Variants in MAGI3 observed in about 807,000 individuals in gnomAD.
MAGI3 encodes membrane associated guanylate kinase, WW and PDZ domain containing 3, also known as membrane-associated guanylate kinase, WW and PDZ domain-containing protein 3.
Under a neutral mutation model 121.8 loss-of-function variants are expected in MAGI3, and 43 were observed. That is an observed-to-expected ratio of 0.35 (90% CI 0.28 to 0.46). The LOEUF (loss-of-function observed/expected upper bound fraction) is 0.46. Ranked by LOEUF, MAGI3 falls within the 20% of genes least tolerant of loss-of-function variation. The probability of loss-of-function intolerance (pLI) is 1.00; values close to 1 mark genes in which losing one functional copy is unlikely to be tolerated. For missense variants in MAGI3, 1,547 were observed against 1,797.3 expected (o/e 0.86, Z 2.52); for synonymous variants, 553 against 639.3 (o/e 0.86, Z 2.04).
intron 1 of MAGI3, among the ~76,000 whole-genome samples, chr1:113,403,304 G>T (rs1186039464): frequency 1.3e-5 from 2 of 152,050 alleles, no homozygotes; most frequent in East Asian, 3.9e-4. Flanking sequence ...TGTTAACATT[G>T]TAACTGCTGG....
intron 2 of MAGI3, among the ~76,000 whole-genome samples, chr1:113,575,149 G>A (rs1647545074): frequency 6.6e-6 from 1 of 152,096 alleles, no homozygotes; most frequent in Admixed American, 6.6e-5. Context: ...CTTTAGCTCA[G>A]AGGAGTTTGT....
chr1:113,530,177 T>G (rs927279299), intron 1 of MAGI3, among the ~76,000 whole-genome samples: 1 of 152,152 alleles, frequency 6.6e-6, no homozygotes. Context: ...TTTTGAGTAA[T>G]GACCATAGCC....
intron 1 of MAGI3, among the ~76,000 whole-genome samples, chr1:113,438,157 C>T (rs1032552327): frequency 6.6e-6 from 1 of 151,852 alleles, no homozygotes; most frequent in African/African-American, 2.4e-5. Context: ...TGCTATGTTG[C>T]CCAGGCTGGC....
chr1:113,434,732 G>A (rs1456673527), intron 1 of MAGI3, among the ~76,000 whole-genome samples: 1 of 152,086 alleles, frequency 6.6e-6, no homozygotes, highest in Admixed American at 6.5e-5. Context: ...TTTATCTTTT[G>A]CTGTTCAACA....
chr1:113,535,311 C>T (rs1658920369), intron 1 of MAGI3, among the ~76,000 whole-genome samples: 1 of 151,680 alleles, frequency 6.6e-6, no homozygotes, highest in South Asian at 2.1e-4. Flanking sequence ...AAAAAAAAAC[C>T]TCTCAATAGA....
At chr1:113,469,935 T>C (rs550043409) in intron 1 of MAGI3, among the ~76,000 whole-genome samples, 1 of 152,326 alleles carries the variant, frequency 6.6e-6, no homozygotes, top group South Asian at 2.1e-4. Context: ...AAAGATGTAT[T>C]CTTTTTCATT....
At chr1:113,552,639 G>C (rs1659831983) in intron 2 of MAGI3, among the ~76,000 whole-genome samples, 1 of 152,008 alleles carries the variant, frequency 6.6e-6, no homozygotes, top group Non-Finnish European at 1.5e-5. Context: ...TATTGTTCCA[G>C]TTTTGCAGTT....
chr1:113,446,931 T>C (rs532267300), intron 1 of MAGI3, among the ~76,000 whole-genome samples: 3 of 152,330 alleles, frequency 2.0e-5, no homozygotes, highest in South Asian at 4.1e-4. Flanking sequence ...GTTCTACTTA[T>C]GCAGTATAGA....
At chr1:113,589,947 T>C (rs1255171495) in intron 4 of MAGI3, among the ~76,000 whole-genome samples, 2 of 152,116 alleles carry the variant, frequency 1.3e-5, no homozygotes, top group African/African-American at 2.4e-5. Context: ...CAGTGTTAAA[T>C]GTGTACAAGG....
At chr1:113,521,957 C>G (rs371142954) in intron 1 of MAGI3, among the ~76,000 whole-genome samples, 2 of 152,226 alleles carry the variant, frequency 1.3e-5, no homozygotes, top group Non-Finnish European at 2.9e-5. Context: ...TTCAGTTTAT[C>G]TTCTAATCAT....
rs751249856 is a variant in MAGI3 at position 113,683,231 on chromosome 1, G to A, written c.3663G>A (p.Ser1221=). ...VENGVTRRGR[S]VSPKKPASQH... is the part of the protein sequence containing the mutation. ...ATGGTGTTACACGAAGAGGTAGATC[G>A]GTTAGTCCCAAAAAGCCAGCCAGTC... Residue 1221 remains serine, a synonymous_variant, in exon 21 of 21, where the codon TCG becomes TCA. Transcript: ENST00000307546. The A allele has an allele frequency of 7.1e-5, 114 of 1,613,590 alleles. 2 individuals carry two copies. The Admixed American group carries it at 1.4e-3, about 20-fold the overall frequency.
chr1:113,463,546 C>A (rs1224280414), intron 1 of MAGI3, among the ~76,000 whole-genome samples: 1 of 151,994 alleles, frequency 6.6e-6, no homozygotes, highest in Non-Finnish European at 1.5e-5. Flanking sequence ...GAATAGGGAT[C>A]TTTGATGACC....
intron 13 of MAGI3, among the ~76,000 whole-genome samples, chr1:113,649,686 C>T (rs1653049257): frequency 6.6e-6 from 1 of 152,144 alleles, no homozygotes; most frequent in Admixed American, 6.6e-5. Flanking sequence ...TCCTCTTTCC[C>T]ACTATTACTC....
At chr1:113,561,976 A>G (rs1660254347) in intron 2 of MAGI3, among the ~76,000 whole-genome samples, 1 of 152,252 alleles carries the variant, frequency 6.6e-6, no homozygotes, top group African/African-American at 2.4e-5. Flanking sequence ...AACAACAGGC[A>G]AGCTGAGAGC....
At chr1:113,521,021 C>G (rs1052832323) in intron 1 of MAGI3, among the ~76,000 whole-genome samples, 9 of 152,118 alleles carry the variant, frequency 5.9e-5, no homozygotes, top group African/African-American at 1.9e-4. Context: ...TTTAGGCTCT[C>G]CCTACATCAG....
chr1:113,547,838 A>T (rs566427077), intron 1 of MAGI3, among the ~76,000 whole-genome samples: 18 of 152,194 alleles, frequency 1.2e-4, no homozygotes, highest in Non-Finnish European at 2.5e-4. Flanking sequence ...GGGACCAGAG[A>T]TTCTTCTGTG....
intron 2 of MAGI3, among the ~76,000 whole-genome samples, chr1:113,553,503 C>T (rs1347201346): frequency 6.6e-6 from 1 of 152,126 alleles, no homozygotes; most frequent in Non-Finnish European, 1.5e-5. Context: ...TACCCAGGGG[C>T]CAGGAGACAT....
rs1570706868 is a variant in MAGI3 at position 113,459,800 on chromosome 1, C to T, written c.316+68451C>T. ...AGACAATACCACCAACCAAAAAAAGCCTGGGACCTGATGGATTCACAGCCA... is the reference window on the plus strand; with the variant it reads ...AGACAATACCACCAACCAAAAAAAGTCTGGGACCTGATGGATTCACAGCCA... On this transcript the variant is annotated intron_variant, in intron 1 of 20. Transcript: ENST00000307546. 2.6e-5 allele frequency among the ~76,000 whole-genome samples: 4 copies of T among 152,250 alleles called. No individual in the cohort carries two copies. In the South Asian group the frequency reaches 8.3e-4, roughly 32 times the overall value.
intron 7 of MAGI3, chr1:113,618,575 G>A (rs777924026): frequency 7.6e-5 from 33 of 434,828 alleles, no homozygotes; most frequent in African/African-American, 5.5e-4. Context: ...GCATGATCTC[G>A]GCTCACTGCA....
Sources: allele counts gnomAD v4.1 joint callset (sites outside exome capture counted in the v4.1 genomes callset), GRCh38; gene constraint gnomAD v4.1.1; transcripts MANE v1.5; gene names NCBI Gene and HGNC (gene_info 2026-07-23, HGNC 2026-07-21).